Variants in VAT1L observed in about 807,000 individuals in gnomAD.
The protein encoded by VAT1L is vesicle amine transport 1 like, also known as putative NADPH-dependent quinone oxidoreductase VAT1L.
VAT1L carries 34 observed loss-of-function variants against 44.1 expected under a neutral mutation model. The ratio of observed to expected loss-of-function variants is 0.77; its 90% CI spans 0.59 to 1.03. The LOEUF is 1.03. VAT1L is among the 50% of genes least tolerant of loss of function. VAT1L has a pLI of 0.00. For synonymous variants in VAT1L, 253 were observed against 202.2 expected, an observed-to-expected ratio of 1.25 and a Z score of -2.13; for missense variants, 615 against 538.8, an observed-to-expected ratio of 1.14 and a Z score of -1.40.
chr16:77,826,099 T>C (rs1337950625), intron 3 of VAT1L, among the ~76,000 whole-genome samples: 2 of 120,456 alleles, frequency 1.7e-5, no homozygotes, highest in African/African-American at 3.1e-5. Flanking sequence ...CCCAGCTACT[T>C]GGGAGGCTGA....
chr16:77,907,092 G>A (rs1294956737), intron 7 of VAT1L, among the ~76,000 whole-genome samples: 5 of 152,106 alleles, frequency 3.3e-5, no homozygotes, highest in Admixed American at 1.3e-4. Flanking sequence ...CAGCCCTAGC[G>A]GGGGAAAAAA....
intron 1 of VAT1L, among the ~76,000 whole-genome samples, chr16:77,812,848 T>C (rs540544376): frequency 1.4e-3 from 214 of 152,316 alleles, no homozygotes; most frequent in Non-Finnish European, 2.4e-3. Context: ...ACCTAGCCTC[T>C]GACTAATAAT....
chr16:77,967,790 T>C (rs2018238721), intron 7 of VAT1L, among the ~76,000 whole-genome samples: 1 of 152,200 alleles, frequency 6.6e-6, no homozygotes, highest in African/African-American at 2.4e-5. Flanking sequence ...AGTTTTCAGA[T>C]GCTAATAACT....
chr16:77,977,789 G>T lies in VAT1L; in HGVS notation c.*94G>T. 8.3e-7 allele frequency: 1 copy of T among 1,208,010 alleles called. No homozygotes were observed. Among genetic ancestry groups the T allele is most frequent in the Non-Finnish European group, 1.2e-6 (1 of 845,610 alleles). 74.8% of individuals were successfully genotyped at this position (1,208,010 alleles called of 1,614,324 possible). On this transcript the variant is annotated 3_prime_UTR_variant, in exon 9 of 9. Transcript: ENST00000302536. ...TGTGCCCCAGTGAACAAATGCTGTA[G>T]TCCAGTGCGTGTCGTGTTTGTCTGC... is the stretch of plus-strand genomic sequence containing the variant.
intron 3 of VAT1L, among the ~76,000 whole-genome samples, chr16:77,836,337 A>G (rs1156446108): frequency 6.6e-6 from 1 of 152,084 alleles, no homozygotes; most frequent in Non-Finnish European, 1.5e-5. Context: ...CACTATGGCC[A>G]GATACCTGGT....
At chr16:77,818,610 G>A (rs2016396196) in intron 2 of VAT1L, among the ~76,000 whole-genome samples, 1 of 152,100 alleles carries the variant, frequency 6.6e-6, no homozygotes, top group South Asian at 2.1e-4. Context: ...CAGGAAACAG[G>A]GACATTGTTC....
intron 4 of VAT1L, among the ~76,000 whole-genome samples, chr16:77,874,839 T>TAAAAAAAAAA (rs769810512): frequency 1.1e-5 from 1 of 87,718 alleles, no homozygotes. Context: ...AATTAATTTG[T>TAAAAAAAAAA]AAAAAAAAAA....
At chr16:77,971,449 G>A (rs574908969) in intron 7 of VAT1L, among the ~76,000 whole-genome samples, 3 of 152,044 alleles carry the variant, frequency 2.0e-5, no homozygotes, top group African/African-American at 7.3e-5. Flanking sequence ...ACGAGTCACA[G>A]TTAAATAACA....
intron 7 of VAT1L, among the ~76,000 whole-genome samples, chr16:77,887,221 A>T (rs2017218141): frequency 6.6e-6 from 1 of 152,184 alleles, no homozygotes; most frequent in Non-Finnish European, 1.5e-5. Context: ...TGAGCCAAGG[A>T]GGGAATGGTA....
chr16:77,894,282 G>A (rs897253566), intron 7 of VAT1L, among the ~76,000 whole-genome samples: 1 of 152,222 alleles, frequency 6.6e-6, no homozygotes, highest in African/African-American at 2.4e-5. Context: ...GTCAGCTGCT[G>A]CTGACAAGCC....
intron 2 of VAT1L, among the ~76,000 whole-genome samples, chr16:77,817,322 T>C (rs1157704526): frequency 6.6e-6 from 1 of 152,162 alleles, no homozygotes; most frequent in Non-Finnish European, 1.5e-5. Context: ...AACAAAAGTA[T>C]TTGGCATTTG....
In VAT1L at chr16:77,833,490, C is replaced by T. The variant is rs180710416; in HGVS notation, c.579+8029C>T. On this transcript the variant is annotated intron_variant, in intron 3 of 8. Transcript: ENST00000302536. ...GTAGTGGGCTGGGCGTGGTGGCTTACGCCTGTAATCCCAACACTTTGGGAG... is the reference window on the plus strand; with the variant it reads ...GTAGTGGGCTGGGCGTGGTGGCTTATGCCTGTAATCCCAACACTTTGGGAG... Among the ~76,000 whole-genome samples, 450 of 151,580 alleles carry T rather than the reference C, an allele frequency of 3.0e-3. 1 individual carries two copies. The highest frequency in any genetic ancestry group is 5.5e-3 in the Non-Finnish European group (375 of 67,856).
intron 1 of VAT1L, among the ~76,000 whole-genome samples, chr16:77,814,820 G>T (rs188136484): frequency 8.1e-4 from 124 of 152,308 alleles, no homozygotes; most frequent in Admixed American, 1.6e-3. Flanking sequence ...TTCCATGTCA[G>T]CTGTGAAACT....
intron 7 of VAT1L, among the ~76,000 whole-genome samples, chr16:77,949,447 C>G (rs1273191134): frequency 6.6e-6 from 1 of 152,148 alleles, no homozygotes; most frequent in African/African-American, 2.4e-5. Flanking sequence ...GATGTTTGTT[C>G]CCCAAACCTC....
chr16:77,962,345 G>T (rs1408446952), intron 7 of VAT1L, among the ~76,000 whole-genome samples: 1 of 152,112 alleles, frequency 6.6e-6, no homozygotes, highest in Non-Finnish European at 1.5e-5. Flanking sequence ...TGTATGTGTT[G>T]GGGGAGACTT....
chr16:77,943,375 T>A (rs1359878487), intron 7 of VAT1L, among the ~76,000 whole-genome samples: 1 of 144,928 alleles, frequency 6.9e-6, no homozygotes, highest in Non-Finnish European at 1.5e-5. Context: ...ATTTTCTTTT[T>A]CTTTCTTTTT....
At chr16:77,906,517 A>C (rs1475136564) in intron 7 of VAT1L, among the ~76,000 whole-genome samples, 1 of 152,214 alleles carries the variant, frequency 6.6e-6, no homozygotes, top group Non-Finnish European at 1.5e-5. Flanking sequence ...TTATTTGAGA[A>C]ATGATCCCAG....
At chr16:77,932,484 G>C (rs1410597751) in intron 7 of VAT1L, among the ~76,000 whole-genome samples, 1 of 152,164 alleles carries the variant, frequency 6.6e-6, no homozygotes, top group Non-Finnish European at 1.5e-5. Flanking sequence ...TGTTGACAGA[G>C]TATACAGCAT....
rs1429891294 is a variant in VAT1L, at chr16:77,817,164, GTCT to G, written c.363+119_363+121del. The G allele has an allele frequency of 4.2e-6, 6 of 1,434,952 alleles. No individual in the cohort carries two copies. The East Asian group carries it at 7.2e-5, about 17-fold the overall frequency. 88.9% of individuals were successfully genotyped at this position (1,434,952 alleles called of 1,614,324 possible). A position where few individuals can be genotyped will look rare whatever the true frequency, so the allele number is the denominator to read the frequency against. On this transcript the variant is annotated intron_variant, in intron 2 of 8. Transcript: ENST00000302536. ...ACCTATGGCGTGCATTATTATCATT[GTCT>G]TCTTATTTGGACTGTTGACAATGTT...
Sources: allele counts gnomAD v4.1 joint callset (sites outside exome capture counted in the v4.1 genomes callset), GRCh38; gene constraint gnomAD v4.1.1; transcripts MANE v1.5; gene names NCBI Gene and HGNC (gene_info 2026-07-23, HGNC 2026-07-21).